Variants in PFKP observed in about 807,000 individuals in gnomAD.
The protein encoded by PFKP is ATP-dependent 6-phosphofructokinase, platelet type.
PFKP carries 101 observed loss-of-function variants against 94.3 expected under a neutral mutation model. The ratio of observed to expected loss-of-function variants is 1.07; its 90% CI spans 0.91 to 1.26. The LOEUF is 1.26. Ranked by LOEUF, PFKP falls within the 50% of genes most tolerant of loss-of-function variation. PFKP has a pLI of 0.00. For synonymous variants in PFKP, 573 were observed against 432.6 expected (o/e 1.32, Z -4.03); for missense variants, 1,145 against 1,103.3 (o/e 1.04, Z -0.53).
At chr10:3,090,990 G>A (rs1186625387) in intron 2 of PFKP, among the ~76,000 whole-genome samples, 5 of 152,110 alleles carry the variant, frequency 3.3e-5, no homozygotes, top group Non-Finnish European at 7.4e-5. Flanking sequence ...AGTAGTGCAT[G>A]TGTGAAGAAA....
At chr10:3,093,732 C>T (rs890647571) in intron 2 of PFKP, among the ~76,000 whole-genome samples, 3 of 150,698 alleles carry the variant, frequency 2.0e-5, no homozygotes, top group African/African-American at 7.4e-5. Flanking sequence ...CAAGCTCCGC[C>T]TCCCAGGTTC....
chr10:3,099,302 T>C lies in PFKP; in HGVS notation c.214T>C (p.Ser72Pro), dbSNP rs1163503296. 2 of 1,614,152 alleles carry C rather than the reference T, an allele frequency of 1.2e-6. No individual in the cohort carries two copies. Among genetic ancestry groups the C allele is most frequent in the South Asian group, 1.1e-5 (1 of 91,086 alleles). ...CTACCAGGGCATGGTGGACGGAGGC[T>C]CAAACATCGCAGAGGCCGACTGGGA... ...EGYQGMVDGGSNIAEADWESV... is the reference protein window; with the variant it reads ...EGYQGMVDGGPNIAEADWESV... The change falls in exon 3 of 22, where the codon TCA becomes CCA. Residue 72 changes from serine (S) to proline (P), a missense_variant. Around this residue, in one of 3 missense-constraint regions of PFKP, gnomAD observed 1,119 missense variants for 1,062.8 expected, o/e 1.05. Transcript: ENST00000381125.
intron 1 of PFKP, among the ~76,000 whole-genome samples, chr10:3,075,244 G>T (rs898838001): frequency 6.6e-6 from 1 of 151,840 alleles, no homozygotes; most frequent in Non-Finnish European, 1.5e-5. Context: ...CGTTATGAAC[G>T]TGTCACAGTG....
intron 2 of PFKP, among the ~76,000 whole-genome samples, chr10:3,091,493 T>C (rs575077453): frequency 6.6e-6 from 1 of 152,294 alleles, no homozygotes; most frequent in Middle Eastern, 3.4e-3. Flanking sequence ...AAATTGTTCA[T>C]ATTATTATAG....
chr10:3,109,668 C>T (rs1355484554), intron 10 of PFKP, among the ~76,000 whole-genome samples, 188 bp downstream of exon 10: 4 of 152,194 alleles, frequency 2.6e-5, no homozygotes, highest in Middle Eastern at 3.2e-3. Context: ...GCAGAGCCTG[C>T]GCCGTCTTCG....
chr10:3,089,702 C>T (rs1460320381), intron 2 of PFKP, among the ~76,000 whole-genome samples: 1 of 149,440 alleles, frequency 6.7e-6, no homozygotes, highest in Non-Finnish European at 1.5e-5. Context: ...ATGTATTATA[C>T]ATATCGTATA....
intron 2 of PFKP, among the ~76,000 whole-genome samples, chr10:3,093,710 C>G (rs1834243619): frequency 7.3e-6 from 1 of 137,604 alleles, no homozygotes; most frequent in African/African-American, 2.7e-5. Context: ...GTGGCGCAAT[C>G]TCAGCTCACT....
rs191807252 is a variant in PFKP, at chr10:3,073,778, C to T, written c.112+6071C>T. Among the ~76,000 whole-genome samples, 8 of 152,272 alleles carry T rather than the reference C, an allele frequency of 5.3e-5. No homozygotes were observed. In the East Asian group the frequency reaches 1.5e-3, roughly 29 times the overall value. On this transcript the variant is annotated intron_variant, in intron 1 of 21. Coordinates refer to ENST00000381125, the MANE Select transcript of PFKP (RefSeq NM_002627.5). ...GGGGAGTCAGTCCTTCATATCTTTT[C>T]AGCTGTGTCTTACTACGATTAAGAT... is the stretch of plus-strand genomic sequence containing the variant.
At position 3,101,436 on chromosome 10, in the gene PFKP, CA is replaced by C; in HGVS notation, c.338del (p.Asn113ThrfsTer12). ...TREGRLKAAC[N>X]LLQRGITNLC... ...GGGAAGGCCGCCTGAAGGCTGCTTG[CA>C]ACCTGCTGCAGCGCGGCATCACCAA... On this transcript the variant is annotated frameshift_variant, in exon 4 of 22. Transcript: ENST00000381125. LOFTEE classifies it high-confidence loss of function. 1 of 1,609,198 alleles carries C rather than the reference CA, an allele frequency of 6.2e-7. No individual in the cohort carries two copies. Among genetic ancestry groups the C allele is most frequent in the South Asian group, 1.1e-5 (1 of 90,178 alleles).
intron 19 of PFKP, among the ~76,000 whole-genome samples, chr10:3,134,263 C>T (rs553871351): frequency 2.8e-4 from 43 of 152,268 alleles, no homozygotes; most frequent in African/African-American, 7.9e-4. Context: ...TTGACTTGTT[C>T]GGTTTATTAA....
At chr10:3,085,956 C>T (rs1485117475) in intron 2 of PFKP, among the ~76,000 whole-genome samples, 1 of 151,592 alleles carries the variant, frequency 6.6e-6, no homozygotes, top group Non-Finnish European at 1.5e-5. Context: ...CATGTGCATA[C>T]TGAATTTGTT....
intron 1 of PFKP, 151 bp from the exon 2 acceptor site, chr10:3,082,237 C>A: frequency 2.1e-6 from 1 of 486,238 alleles, no homozygotes. Context: ...AGTCCTTACC[C>A]TAATCCCAGA....
intron 1 of PFKP, chr10:3,068,542 C>G: frequency 2.6e-6 from 1 of 389,658 alleles, no homozygotes; most frequent in Non-Finnish European, 3.5e-6. Context: ...GCGCGGGCTC[C>G]GGGCTTCCCT....
intron 10 of PFKP, among the ~76,000 whole-genome samples, chr10:3,109,967 C>G (rs968275842): frequency 6.6e-6 from 1 of 152,010 alleles, no homozygotes; most frequent in African/African-American, 2.4e-5. Flanking sequence ...GAAGGTGGGA[C>G]CTTCCCAAAC....
intron 16 of PFKP, among the ~76,000 whole-genome samples, chr10:3,128,165 C>G (rs1838160180): frequency 1.3e-5 from 2 of 152,194 alleles, no homozygotes; most frequent in Non-Finnish European, 2.9e-5. Context: ...TCTTGAGCGC[C>G]TGCTGTGGGG....
intron 1 of PFKP, among the ~76,000 whole-genome samples, chr10:3,081,299 C>CAAGT (rs1833056061): frequency 6.6e-6 from 1 of 152,218 alleles, no homozygotes; most frequent in Non-Finnish European, 1.5e-5. Context: ...GGTCACCGTC[C>CAAGT]AAGTGCACAT....
intron 1 of PFKP, chr10:3,068,619 G>A: frequency 2.0e-6 from 2 of 975,696 alleles, no homozygotes; most frequent in Non-Finnish European, 2.4e-6. Context: ...CGGGCGCGCC[G>A]GGAGGATATT....
chr10:3,108,227 ACAGT>A (rs756915313), intron 8 of PFKP, among the ~76,000 whole-genome samples: 21 of 152,272 alleles, frequency 1.4e-4, no homozygotes, highest in East Asian at 5.8e-4. Context: ...AGTTCCAGAG[ACAGT>A]CAGTGGCCTC....
At chr10:3,122,549 G>A (rs7901550) in intron 16 of PFKP, among the ~76,000 whole-genome samples, 38,752 of 152,210 alleles carry the variant, frequency 0.25, 4,970 homozygotes, top group South Asian at 0.29. Flanking sequence ...AGCTGGTGGC[G>A]TCCTCAGGAA....
Sources: gnomAD v4.1 joint callset for allele counts (sites outside exome capture counted in the v4.1 genomes callset) on GRCh38, gnomAD v4.1.1 for gene constraint, gnomAD v4.1.1 regional missense constraint, MANE v1.5 for transcripts, NCBI Gene and HGNC (gene_info 2026-07-23, HGNC 2026-07-21) for gene names.